C7orf78: variants seen among roughly 807,000 people sequenced by gnomAD.
C7orf78 encodes the protein chromosome 7 open reading frame 78.
the C7orf78 span, among the ~76,000 whole-genome samples, chr7:12,525,123 A>T: frequency 1.3e-5 from 2 of 151,866 alleles, no homozygotes; most frequent in African/African-American, 4.9e-5. Context: ...ATTGTTCTAT[A>T]CGCTTGTGGC....
At chr7:12,532,422 G>A in the C7orf78 span, among the ~76,000 whole-genome samples, 28 of 151,882 alleles carry the variant, frequency 1.8e-4, no homozygotes, top group African/African-American at 4.4e-4. Context: ...AATGGTGGGC[G>A]CCTGTAATCC....
chr7:12,540,030 C>CA, the C7orf78 span, among the ~76,000 whole-genome samples: 1 of 152,112 alleles, frequency 6.6e-6, no homozygotes, highest in Admixed American at 6.5e-5. Context: ...CTATGTGTAT[C>CA]AAAAAGAACA....
At chr7:12,523,125 T>G in the C7orf78 span, 7 of 398,206 alleles carry the variant, frequency 1.8e-5, no homozygotes, top group South Asian at 1.3e-4. Context: ...CAATGTAAAA[T>G]GAAAGTTAAT....
the C7orf78 span, among the ~76,000 whole-genome samples, chr7:12,501,554 A>G: frequency 6.9e-6 from 1 of 144,238 alleles, no homozygotes; most frequent in East Asian, 2.1e-4. Context: ...AAGGAGAACT[A>G]CAAACCACTG....
chr7:12,490,024 C>CT, the C7orf78 span, among the ~76,000 whole-genome samples: 2 of 151,906 alleles, frequency 1.3e-5, no homozygotes, highest in South Asian at 4.2e-4. Flanking sequence ...TATATTTAGC[C>CT]TTTTTTTGAA....
the C7orf78 span, among the ~76,000 whole-genome samples, chr7:12,489,502 A>C: frequency 6.6e-6 from 1 of 152,150 alleles, no homozygotes; most frequent in Non-Finnish European, 1.5e-5. Context: ...ATATATAACT[A>C]ATCTCAGAGA....
chr7:12,520,306 C>T, the C7orf78 span, among the ~76,000 whole-genome samples: 1 of 152,208 alleles, frequency 6.6e-6, no homozygotes, highest in South Asian at 2.1e-4. Flanking sequence ...TGCCCGATGC[C>T]TCTAGTCAGC....
the C7orf78 span, among the ~76,000 whole-genome samples, chr7:12,489,125 T>C: frequency 6.6e-6 from 1 of 152,206 alleles, no homozygotes; most frequent in African/African-American, 2.4e-5. Flanking sequence ...TAAAATATCA[T>C]TTTCATAATG....
the C7orf78 span, among the ~76,000 whole-genome samples, chr7:12,537,508 C>A: frequency 0.029 from 4,465 of 152,252 alleles, 84 homozygotes; most frequent in Middle Eastern, 0.071. Flanking sequence ...AACTCCTATA[C>A]ACTGCTTGAG....
At chr7:12,531,110 G>A in the C7orf78 span, 1 of 398,184 alleles carries the variant, frequency 2.5e-6, no homozygotes, top group Non-Finnish European at 4.4e-6. Flanking sequence ...AAAAAATTAG[G>A]ATTTGTTGTT....
the C7orf78 span, among the ~76,000 whole-genome samples, chr7:12,495,225 G>A: frequency 1.3e-5 from 2 of 152,108 alleles, no homozygotes; most frequent in African/African-American, 4.8e-5. Context: ...CTGTAAATTT[G>A]TTACTCATGA....
At chr7:12,512,063 C>A in the C7orf78 span, among the ~76,000 whole-genome samples, 1 of 151,668 alleles carries the variant, frequency 6.6e-6, no homozygotes, top group Non-Finnish European at 1.5e-5. Context: ...GCGTGAGCCA[C>A]CACGCCTGGC....
chr7:12,525,445 A>C, the C7orf78 span, among the ~76,000 whole-genome samples: 1 of 152,136 alleles, frequency 6.6e-6, no homozygotes, highest in South Asian at 2.1e-4. Flanking sequence ...TATGTGTCAT[A>C]AATTACAATC....
chr7:12,526,314 A>G, the C7orf78 span, among the ~76,000 whole-genome samples: 4 of 152,152 alleles, frequency 2.6e-5, no homozygotes, highest in African/African-American at 4.8e-5. Context: ...TAAATCTGCT[A>G]AAAGCACTTA....
chr7:12,537,467 A>G, the C7orf78 span, among the ~76,000 whole-genome samples: 1 of 152,206 alleles, frequency 6.6e-6, no homozygotes, highest in Non-Finnish European at 1.5e-5. Context: ...CAGCCAAACC[A>G]TATCAATAGG....
the C7orf78 span, among the ~76,000 whole-genome samples, chr7:12,488,113 A>T: frequency 6.6e-6 from 1 of 152,080 alleles, no homozygotes; most frequent in South Asian, 2.1e-4. Flanking sequence ...GACTAAGCTG[A>T]AATTTAGTTT....
chr7:12,540,877 A>T, the C7orf78 span: 4 of 152,342 alleles, frequency 2.6e-5, no homozygotes, highest in East Asian at 7.7e-4. Flanking sequence ...ATAGAAACTG[A>T]TTCAGTGAAT....
chr7:12,503,027 G>A, the C7orf78 span, among the ~76,000 whole-genome samples: 1 of 137,652 alleles, frequency 7.3e-6, no homozygotes, highest in African/African-American at 2.9e-5. Context: ...GGTGGGAATT[G>A]AACAATGAGA....
At chr7:12,510,713 G>T in the C7orf78 span, among the ~76,000 whole-genome samples, 2 of 152,012 alleles carry the variant, frequency 1.3e-5, no homozygotes, top group Non-Finnish European at 2.9e-5. Context: ...GTTTATTCTT[G>T]TGCTTTGTCC....
Sources: allele counts gnomAD v4.1 joint callset (sites outside exome capture counted in the v4.1 genomes callset), GRCh38; gene constraint gnomAD v4.1.1; transcripts MANE v1.5; gene names NCBI Gene and HGNC (gene_info 2026-07-23, HGNC 2026-07-21).